The following NPAS3 variants were observed in gnomAD, a reference collection of about 807,000 sequenced individuals.
NPAS3 encodes the protein neuronal PAS domain-containing protein 3.
In NPAS3, 14 loss-of-function variants were observed where a neutral mutation model predicts 73.1. The observed-to-expected ratio is 0.19, with a 90% CI of 0.13 to 0.30. NPAS3 has a LOEUF of 0.30. Ranked by LOEUF, NPAS3 falls within the 10% of genes least tolerant of loss-of-function variation. The pLI is 1.00. For synonymous variants in NPAS3, 620 were observed against 541.5 expected (o/e 1.14, Z -2.01); for missense variants, 1,096 against 1,250.0 (o/e 0.88, Z 1.86).
rs749895863 is a variant in NPAS3 at position 33,720,748 on chromosome 14, T to C, written c.734-14466T>C. Among the ~76,000 whole-genome samples the C allele has an allele frequency of 5.9e-5, 9 of 152,180 alleles. No individual in the cohort carries two copies. In the South Asian group the frequency reaches 8.3e-4, roughly 14 times the overall value. On this transcript the variant is annotated intron_variant, in intron 6 of 11. Coordinates refer to ENST00000356141, the Ensembl canonical transcript of NPAS3. ...CTTTTTAGTTTGCTCCAAGGGCTCA[T>C]TGGGGATACATATATTAAGCCCTTT...
chr14:33,296,877 A>G (rs2042323207), intron 3 of NPAS3, among the ~76,000 whole-genome samples: 1 of 152,180 alleles, frequency 6.6e-6, no homozygotes, highest in South Asian at 2.1e-4. Flanking sequence ...GTTCAAGCTG[A>G]TGACTGTGGC....
At chr14:33,643,017 C>T (rs1331363585) in intron 5 of NPAS3, among the ~76,000 whole-genome samples, 1 of 152,116 alleles carries the variant, frequency 6.6e-6, no homozygotes, top group Non-Finnish European at 1.5e-5. Flanking sequence ...TCTCCTCTCG[C>T]AATAATCTTC....
In NPAS3 at chr14:33,520,768, G is replaced by T. The variant is rs553920956; in HGVS notation, c.469-39353G>T. On this transcript the variant is annotated intron_variant, in intron 4 of 11. Coordinates refer to ENST00000356141, the Ensembl canonical transcript of NPAS3. ...GGGCAAGGAGAATTATACACAGCCT[G>T]CAACCTGTAATAAAATGGTCAGTTT... Among the ~76,000 whole-genome samples the T allele has an allele frequency of 2.0e-5, 3 of 152,222 alleles. No homozygotes were observed. The East Asian group carries it at 5.8e-4, about 29-fold the overall frequency.
intron 3 of NPAS3, among the ~76,000 whole-genome samples, chr14:33,235,355 A>T (rs2047994765): frequency 6.6e-6 from 1 of 151,952 alleles, no homozygotes; most frequent in African/African-American, 2.4e-5. Context: ...ATAATGGTTG[A>T]TCTCTTTAGC....
At chr14:33,169,984 G>A (rs1015689290) in intron 2 of NPAS3, among the ~76,000 whole-genome samples, 3 of 152,150 alleles carry the variant, frequency 2.0e-5, no homozygotes, top group Non-Finnish European at 2.9e-5. Context: ...TAGTTTTGTG[G>A]TTTGGGGATT....
At chr14:33,116,355 T>A (rs2043064182) in intron 2 of NPAS3, among the ~76,000 whole-genome samples, 1 of 152,172 alleles carries the variant, frequency 6.6e-6, no homozygotes, top group Admixed American at 6.6e-5. Flanking sequence ...TTTGCATAAC[T>A]TCCCAAGAAC....
intron 5 of NPAS3, among the ~76,000 whole-genome samples, chr14:33,630,614 T>A (rs1276146809): frequency 6.6e-6 from 1 of 152,232 alleles, no homozygotes; most frequent in African/African-American, 2.4e-5. Flanking sequence ...AAACCATATC[T>A]ACAAACAATT....
At chr14:33,135,699 ACT>A (rs2065661465) in intron 2 of NPAS3, among the ~76,000 whole-genome samples, 1 of 152,044 alleles carries the variant, frequency 6.6e-6, no homozygotes, top group Non-Finnish European at 1.5e-5. Flanking sequence ...TTCCCTCTTG[ACT>A]CTTTTGGATT....
intron 3 of NPAS3, among the ~76,000 whole-genome samples, chr14:33,260,335 T>G (rs1055093440): frequency 2.0e-5 from 3 of 151,766 alleles, no homozygotes; most frequent in African/African-American, 7.3e-5. Flanking sequence ...CAACTTTTTC[T>G]TCTTTGTTTT....
At chr14:33,407,828 A>G (rs565567811) in intron 4 of NPAS3, among the ~76,000 whole-genome samples, 1 of 152,322 alleles carries the variant, frequency 6.6e-6, no homozygotes, top group South Asian at 2.1e-4. Flanking sequence ...GCAATCCCAA[A>G]TGAACACTTT....
intron 7 of NPAS3, among the ~76,000 whole-genome samples, chr14:33,757,535 T>C (rs963289384): frequency 7.2e-5 from 11 of 151,966 alleles, no homozygotes; most frequent in African/African-American, 2.4e-4. Context: ...TGGGGAAGAA[T>C]ACGATGGGGG....
At chr14:33,655,871 G>A (rs530955179) in intron 5 of NPAS3, among the ~76,000 whole-genome samples, 47 of 152,098 alleles carry the variant, frequency 3.1e-4, no homozygotes, top group African/African-American at 9.6e-4. Flanking sequence ...AAGTCATACC[G>A]TTTGCATCAA....
intron 1 of NPAS3, among the ~76,000 whole-genome samples, chr14:33,033,651 T>A (rs1370496120): frequency 6.6e-6 from 1 of 152,162 alleles, no homozygotes; most frequent in Non-Finnish European, 1.5e-5. Context: ...GCTTAACTGA[T>A]GACCACTCTC....
At chr14:33,326,571 T>C (rs952740346) in intron 3 of NPAS3, among the ~76,000 whole-genome samples, 7 of 152,210 alleles carry the variant, frequency 4.6e-5, no homozygotes, top group African/African-American at 1.7e-4. Context: ...GATTATTATA[T>C]GCAGAAACAG....
At chr14:33,588,806 T>C (rs1276561815) in intron 5 of NPAS3, among the ~76,000 whole-genome samples, 4 of 152,114 alleles carry the variant, frequency 2.6e-5, no homozygotes, top group African/African-American at 7.2e-5. Context: ...TAGTAGCGAC[T>C]GGATTTCACC....
chr14:33,592,298 G>A (rs1001104535), intron 5 of NPAS3, among the ~76,000 whole-genome samples: 4 of 152,126 alleles, frequency 2.6e-5, no homozygotes, highest in Non-Finnish European at 5.9e-5. Flanking sequence ...AATTACACAG[G>A]TATTTAAAAG....
At chr14:33,446,028 CT>C in intron 4 of NPAS3, among the ~76,000 whole-genome samples, 1 of 148,950 alleles carries the variant, frequency 6.7e-6, no homozygotes, top group East Asian at 2.0e-4. Flanking sequence ...TTTCTCTTAT[CT>C]TTTTCCTCAA....
chr14:33,769,745 ATTTTTTTTTTCTT>A (rs1376739591), intron 7 of NPAS3, among the ~76,000 whole-genome samples: 4 of 103,384 alleles, frequency 3.9e-5, no homozygotes, highest in African/African-American at 7.5e-5. Context: ...AAAGACTTGG[ATTTTTTTTTTCTT>A]TTTTTTTTTT....
intron 4 of NPAS3, among the ~76,000 whole-genome samples, chr14:33,389,650 C>T (rs2046917471): frequency 6.6e-6 from 1 of 152,094 alleles, no homozygotes; most frequent in East Asian, 1.9e-4. Flanking sequence ...TTTAGTACAC[C>T]ATTAACATGA....
Sources: gnomAD v4.1 joint callset for allele counts (sites outside exome capture counted in the v4.1 genomes callset) on GRCh38, gnomAD v4.1.1 for gene constraint, MANE v1.5 for transcripts, NCBI Gene and HGNC (gene_info 2026-07-23, HGNC 2026-07-21) for gene names.